The following GPR179 variants were observed in gnomAD, a reference collection of about 807,000 sequenced individuals.
GPR179 encodes probable G protein-coupled receptor 179.
Under a neutral mutation model 70.8 loss-of-function variants are expected in GPR179, and 52 were observed. The ratio of observed to expected loss-of-function variants is 0.73; its 90% CI spans 0.59 to 0.93. The LOEUF is 0.93. Ranked by LOEUF, GPR179 falls within the 40% of genes least tolerant of loss-of-function variation. The pLI, the probability that GPR179 is intolerant of heterozygous loss-of-function variation, is 0.00. For synonymous variants in GPR179, 1,123 were observed against 1,169.0 expected (o/e 0.96, Z 0.80); for missense variants, 2,734 against 2,966.8 (o/e 0.92, Z 1.82).
Position 38,343,671 on chromosome 17 carries a change from G to C in GPR179, c.119C>G (p.Ser40Cys). 6.2e-7 allele frequency: 1 copy of C among 1,611,432 alleles called. No individual in the cohort carries two copies. The highest frequency in any genetic ancestry group is 1.7e-5 in the Admixed American group (1 of 59,886). Residue 40 changes from serine to cysteine, a missense_variant, in exon 1 of 11, where the codon TCC (serine) becomes TGC (cysteine). Ser to Cys is a moderately radical substitution (Grantham distance 112, BLOSUM62 -1). Transcript: ENST00000616987. This position sits in a 1 kb window ranked among gnomAD's most constrained non-coding sequence, Gnocchi z 4.2. The part of the protein sequence containing the change: ...RPIRSLPPLS[S>C]QVKPGSVPMQ... Reference sequence around the variant, plus strand: ...GGGTACAGATCCTGGCTTGACTTGGGAAGACAGAGGGGGCAGAGAGCGGAT... The same window carrying C: ...GGGTACAGATCCTGGCTTGACTTGGCAAGACAGAGGGGGCAGAGAGCGGAT...
At position 38,337,106 on chromosome 17, in the gene GPR179, T is replaced by G. The variant is rs756570971; in HGVS notation, c.1099A>C (p.Met367Leu). ...LPCPEGCTSC[M>L]DATPCLVEEA... The stretch of plus-strand genomic sequence containing the variant: ...TCCACCAGGCACGGTGTGGCATCCA[T>G]GCAGCTGGTGCAGCCCTCAGGACAT... The change falls in exon 4 of 11, where the codon ATG becomes CTG. Residue 367 changes from methionine to leucine, a missense_variant. Coordinates refer to ENST00000616987, the MANE Select transcript of GPR179 (RefSeq NM_001004334.4). The G allele has an allele frequency of 4.3e-6, 7 of 1,611,498 alleles. No individual in the cohort carries two copies. The African/African-American group carries it at 9.3e-5, about 22-fold the overall frequency.
rs201772198 is a variant in GPR179, at chr17:38,330,838, C to T, written c.2731G>A (p.Val911Met). The T allele has an allele frequency of 6.4e-5, 103 of 1,604,022 alleles. No individual in the cohort carries two copies. In the African/African-American group the frequency reaches 1.1e-3, roughly 17 times the overall value. The change falls in exon 11 of 11, where the codon GTG becomes ATG. Residue 911 changes from valine to methionine, a missense_variant. By Grantham distance (21) the Val-to-Met change is conservative. Coordinates refer to ENST00000616987, the MANE Select transcript of GPR179 (RefSeq NM_001004334.4). ...APPSPAKSSS[V>M]DSSHTSGRLH... ...CTCCCAGAGGTGTGAGAGCTGTCCA[C>T]GCTGCTGCTCTTGGCAGGGGAAGGT... is the stretch of plus-strand genomic sequence containing the variant.
In GPR179 at chr17:38,333,298, T is replaced by A; in HGVS notation, c.1990A>T (p.Ile664Phe). ...QHSGSYLGSSIASAWSEHSLD... is the reference protein window; with the variant it reads ...QHSGSYLGSSFASAWSEHSLD... Reference sequence around the variant, plus strand: ...CTGTGCTCACTCCAGGCTGAGGCGATGCTGCTGCCAAGGTAGGAGCCTGAG... The same window carrying A: ...CTGTGCTCACTCCAGGCTGAGGCGAAGCTGCTGCCAAGGTAGGAGCCTGAG... Residue 664 changes from isoleucine (I) to phenylalanine (F), a missense_variant, in exon 10 of 11, where the codon ATC becomes TTC. Transcript: ENST00000616987. The A allele has an allele frequency of 6.2e-7, 1 of 1,614,106 alleles. No homozygotes were observed. The highest frequency in any genetic ancestry group is 8.5e-7 in the Non-Finnish European group (1 of 1,179,974).
chr17:38,341,916 G>A (rs1418261031), intron 1 of GPR179, among the ~76,000 whole-genome samples: 2 of 151,994 alleles, frequency 1.3e-5, no homozygotes, highest in South Asian at 2.1e-4. Flanking sequence ...TCAGGAGTTC[G>A]AGACCAGCCT....
rs117477403 is a variant in GPR179 at position 38,334,222 on chromosome 17, G to A, written c.1785-184C>T. Among the ~76,000 whole-genome samples, 2,169 of 152,304 alleles carry A rather than the reference G, an allele frequency of 0.014. 29 individuals carry two copies. The highest frequency in any genetic ancestry group is 0.02 in the Non-Finnish European group (1,358 of 68,030). On this transcript the variant is annotated intron_variant, in intron 8 of 10. Coordinates refer to ENST00000616987, the MANE Select transcript of GPR179 (RefSeq NM_001004334.4). This position sits in a 1 kb window ranked among gnomAD's most constrained non-coding sequence, Gnocchi z 4.7. ...CAATCCTGTTAATCCCAACCTCCAAGACGCCCTCCCAGAATACTCCAGCTC... is the reference window on the plus strand; with the variant it reads ...CAATCCTGTTAATCCCAACCTCCAAAACGCCCTCCCAGAATACTCCAGCTC...
chr17:38,341,173 C>A (rs151323097), intron 1 of GPR179, among the ~76,000 whole-genome samples: 1 of 152,306 alleles, frequency 6.6e-6, no homozygotes, highest in East Asian at 1.9e-4. Context: ...TGAATGTTCA[C>A]TGTCTCTGTG....
Position 38,343,398 on chromosome 17 carries a change from T to C in GPR179, c.392A>G (p.Gln131Arg), listed in dbSNP as rs2037467525. ...SSVEEDVEWYQALVRSVAEGD... is the reference protein window; with the variant it reads ...SSVEEDVEWYRALVRSVAEGD... Reference sequence around the variant, plus strand: ...CTCGGCCACGCTGCGGACCAGTGCCTGGTACCATTCCACATCCTCCTCCAC... The same window carrying C: ...CTCGGCCACGCTGCGGACCAGTGCCCGGTACCATTCCACATCCTCCTCCAC... Residue 131 changes from glutamine (Q) to arginine (R), a missense_variant, in exon 1 of 11, where the codon CAG (glutamine) becomes CGG (arginine). By Grantham distance (43) the Gln-to-Arg change is conservative. Transcript: ENST00000616987. The surrounding 1 kb of genome is among the most constrained non-coding windows in gnomAD (Gnocchi z 4.2). The C allele has an allele frequency of 6.2e-7, 1 of 1,614,156 alleles. No individual in the cohort carries two copies. Among genetic ancestry groups the C allele is most frequent in the Middle Eastern group, 1.6e-4 (1 of 6,062 alleles).
At position 38,328,106 on chromosome 17, in the gene GPR179, C is replaced by G. The variant is rs2037308174; in HGVS notation, c.5463G>C (p.Glu1821Asp). 6.2e-7 allele frequency: 1 copy of G among 1,613,926 alleles called. No homozygotes were observed. Among genetic ancestry groups the G allele is most frequent in the Non-Finnish European group, 8.5e-7 (1 of 1,180,020 alleles). ...CCTTCCCAGTAGTTCCTTCACTTACCTCCCAGGGACAGATCTTGGCTTTTT... is the reference window on the plus strand; with the variant it reads ...CCTTCCCAGTAGTTCCTTCACTTACGTCCCAGGGACAGATCTTGGCTTTTT... Reference protein sequence around the residue: ...TSEKAKICPWEVSEGTTGKGL... With the variant: ...TSEKAKICPWDVSEGTTGKGL... Residue 1821 changes from glutamate to aspartate, a missense_variant, in exon 11 of 11, where the codon GAG (glutamate) becomes GAC (aspartate). Coordinates refer to ENST00000616987, the MANE Select transcript of GPR179 (RefSeq NM_001004334.4).
Position 38,327,879 on chromosome 17 carries a change from C to T in GPR179, c.5690G>A (p.Ser1897Asn). ...TCCCTCTGCCACTTCACTACTCATG[C>T]TGCTGGGCAAGTCTGAGATCTTGGG... is the stretch of plus-strand genomic sequence containing the variant. ...QAPKISDLPS[S>N]MSSEVAEGHS... The change falls in exon 11 of 11, where the codon AGC (serine) becomes AAC (asparagine). Residue 1897 changes from serine to asparagine, a missense_variant. Physicochemically the swap from Ser to Asn is conservative, Grantham distance 46. Coordinates refer to ENST00000616987, the MANE Select transcript of GPR179 (RefSeq NM_001004334.4). The T allele has an allele frequency of 9.9e-6, 16 of 1,614,212 alleles. No homozygotes were observed. The highest frequency in any genetic ancestry group is 1.4e-5 in the Non-Finnish European group (16 of 1,180,034).
At chr17:38,336,940 G>T (rs369548961) in intron 4 of GPR179, 38 bp downstream of exon 4, 5 of 1,543,006 alleles carry the variant, frequency 3.2e-6, no homozygotes, top group Non-Finnish European at 4.4e-6. Context: ...GTTGAGATGG[G>T]TCGGACATGT....
At chr17:38,331,639 C>G (rs1209940824) in intron 10 of GPR179, 108 bp from the exon 11 acceptor site, 12 of 1,488,004 alleles carry the variant, frequency 8.1e-6, no homozygotes, top group African/African-American at 1.4e-5. Flanking sequence ...GGATCTCTTT[C>G]CATCAAGCTG....
Position 38,343,067 on chromosome 17 carries a change from G to A in GPR179, c.723C>T (p.Leu241=). 1.2e-6 allele frequency: 2 copies of A among 1,614,102 alleles called. No individual in the cohort carries two copies. The highest frequency in any genetic ancestry group is 1.7e-6 in the Non-Finnish European group (2 of 1,179,982). ...AGAGTGTGATCAGCCATCCAGGTCG[G>A]AGCCGTCCCTCCTGGCATTCCAGGA... ...PPFLECQEGR[L]RPGWLITLSA... The change falls in exon 1 of 11, where the codon CTC becomes CTT. Residue 241 remains leucine, a synonymous_variant. Transcript: ENST00000616987. The surrounding 1 kb of genome is among the most constrained non-coding windows in gnomAD (Gnocchi z 4.2).
chr17:38,343,385 G>A lies in GPR179; in HGVS notation c.405C>T (p.Arg135=). The A allele has an allele frequency of 1.2e-6, 2 of 1,614,176 alleles. No homozygotes were observed. Among genetic ancestry groups the A allele is most frequent in the Non-Finnish European group, 1.7e-6 (2 of 1,180,030 alleles). Reference sequence around the variant, plus strand: ...CTCTTGGGTCCCCCTCGGCCACGCTGCGGACCAGTGCCTGGTACCATTCCA... The same window carrying A: ...CTCTTGGGTCCCCCTCGGCCACGCTACGGACCAGTGCCTGGTACCATTCCA... The part of the protein sequence containing the change: ...EDVEWYQALV[R]SVAEGDPRVY... The change falls in exon 1 of 11, where the codon CGC becomes CGT. Residue 135 remains arginine (R), a synonymous_variant. Transcript: ENST00000616987. This position sits in a 1 kb window ranked among gnomAD's most constrained non-coding sequence, Gnocchi z 4.2.
chr17:38,329,724 T>A lies in GPR179; in HGVS notation c.3845A>T (p.Asp1282Val). The A allele has an allele frequency of 1.2e-6, 2 of 1,614,126 alleles. No homozygotes were observed. The highest frequency in any genetic ancestry group is 8.5e-7 in the Non-Finnish European group (1 of 1,180,014). The change falls in exon 11 of 11, where the codon GAC becomes GTC. Residue 1282 changes from aspartate (D) to valine (V), a missense_variant. Asp to Val is a radical substitution (Grantham distance 152). Transcript: ENST00000616987. ...TCTCTTTTTTTGGGAGTCACCTGGGTCTTGTCTTAGTGCCCTCGACTCTGG... is the reference window on the plus strand; with the variant it reads ...TCTCTTTTTTTGGGAGTCACCTGGGACTTGTCTTAGTGCCCTCGACTCTGG... ...GAPESRALRQ[D>V]PGDSQKKRGE...
Position 38,336,124 on chromosome 17 carries a change from C to G in GPR179, c.1248G>C (p.Val416=), listed in dbSNP as rs1210284486. The G allele has an allele frequency of 1.2e-6, 2 of 1,613,064 alleles. No homozygotes were observed. The highest frequency in any genetic ancestry group is 2.2e-5 in the South Asian group (2 of 91,062). Residue 416 remains valine (V), a synonymous_variant, in exon 5 of 11, where the codon GTG becomes GTC. Coordinates refer to ENST00000616987, the MANE Select transcript of GPR179 (RefSeq NM_001004334.4). Reference sequence around the variant, plus strand: ...CAAAAAGGACAGTTTCCAGCAGGACCACTCCAGATGCCCAGATCCTCTGTG... The same window carrying G: ...CAAAAAGGACAGTTTCCAGCAGGACGACTCCAGATGCCCAGATCCTCTGTG... The part of the protein sequence containing the change: ...RRNKRIWASG[V]VLLETVLFGF...
At chr17:38,342,063 G>A (rs936040983) in intron 1 of GPR179, among the ~76,000 whole-genome samples, 1 of 152,186 alleles carries the variant, frequency 6.6e-6, no homozygotes, top group African/African-American at 2.4e-5. Flanking sequence ...GCTGCCGTGA[G>A]CCGAGGTTGC....
rs962186303 is a variant in GPR179, at chr17:38,339,531, G to T, written c.795-6C>A. ...CGTCCATCTGCACCTGCCCCCTACG[G>T]CAGTGAATTGGCAATTAGGGGCACA... On this transcript the variant is annotated splice_region_variant and splice_polypyrimidine_tract_variant and intron_variant, in intron 1 of 10. Coordinates refer to ENST00000616987, the MANE Select transcript of GPR179 (RefSeq NM_001004334.4). The T allele has an allele frequency of 2.5e-6, 4 of 1,606,516 alleles. No individual in the cohort carries two copies. The highest frequency in any genetic ancestry group is 2.2e-5 in the South Asian group (2 of 90,902).
rs1471755653 is a variant in GPR179 at position 38,343,832 on chromosome 17, A to T, written c.-43T>A. 9 of 1,436,802 alleles carry T rather than the reference A, an allele frequency of 6.3e-6. No homozygotes were observed. Among genetic ancestry groups the T allele is most frequent in the Non-Finnish European group, 7.3e-6 (8 of 1,093,782 alleles). 89.0% of individuals were successfully genotyped at this position (1,436,802 alleles called of 1,614,324 possible). A position where few individuals can be genotyped will look rare whatever the true frequency, so the allele number is the denominator to read the frequency against. Reference sequence around the variant, plus strand: ...GGACCCTGGGGTCCAGGCTCAGGAGAGCCCAGGCAGAGGCTGGCTGCAGTC... The same window carrying T: ...GGACCCTGGGGTCCAGGCTCAGGAGTGCCCAGGCAGAGGCTGGCTGCAGTC... On this transcript the variant is annotated 5_prime_UTR_variant, in exon 1 of 11. Transcript: ENST00000616987. The surrounding 1 kb of genome is among the most constrained non-coding windows in gnomAD (Gnocchi z 4.2).
In GPR179 at chr17:38,327,089, TG is replaced by T; in HGVS notation, c.6479del (p.Ala2160GlufsTer75). Reference sequence around the variant, plus strand: ...AGTGTTCTTCCGTCCCTCCAGGTCCTGCCTTCTGAAGGAACATCTCTCCTTG... The same window carrying T: ...AGTGTTCTTCCGTCCCTCCAGGTCCTCCTTCTGAAGGAACATCTCTCCTTG... ...QGQGEMFLQK[A>X]GPGGTEEHFS... On this transcript the variant is annotated frameshift_variant, in exon 11 of 11. Transcript: ENST00000616987. LOFTEE classifies it low-confidence loss of function (END_TRUNC). The T allele has an allele frequency of 1.2e-6, 2 of 1,614,248 alleles. No homozygotes were observed. Among genetic ancestry groups the T allele is most frequent in the Admixed American group, 3.3e-5 (2 of 60,030 alleles).
Sources: allele counts gnomAD v4.1 joint callset (sites outside exome capture counted in the v4.1 genomes callset), GRCh38; gene constraint gnomAD v4.1.1; non-coding constraint Gnocchi (gnomAD v3.1); transcripts MANE v1.5; gene names NCBI Gene and HGNC (gene_info 2026-07-23, HGNC 2026-07-21).